The following EFNB2 variants were observed in gnomAD, a reference collection of about 807,000 sequenced individuals.
The protein encoded by EFNB2 is ephrin B2.
Under a neutral mutation model 32.1 loss-of-function variants are expected in EFNB2, and 5 were observed. The observed-to-expected ratio is 0.16, with a 90% CI of 0.08 to 0.33. EFNB2 has a LOEUF of 0.33. Ranked by LOEUF, EFNB2 falls within the 10% of genes least tolerant of loss-of-function variation. The pLI is 1.00. For missense variants in EFNB2, 263 were observed against 422.6 expected, an observed-to-expected ratio of 0.62 and a Z score of 3.31; for synonymous variants, 168 against 166.5, an observed-to-expected ratio of 1.01 and a Z score of -0.07.
At chr13:106,524,896 T>A (rs1028937193) in intron 1 of EFNB2, among the ~76,000 whole-genome samples, 3 of 152,184 alleles carry the variant, frequency 2.0e-5, no homozygotes, top group African/African-American at 7.2e-5. Flanking sequence ...CAGAAAGTCA[T>A]AAGGAATGAG....
intron 1 of EFNB2, among the ~76,000 whole-genome samples, chr13:106,513,506 T>G (rs909529096): frequency 6.6e-6 from 1 of 152,108 alleles, no homozygotes; most frequent in East Asian, 1.9e-4. Flanking sequence ...CTATAAATCT[T>G]TTTTTTTCTT....
intron 1 of EFNB2, chr13:106,519,813 A>AT (rs548463221): frequency 6.6e-6 from 1 of 152,150 alleles, no homozygotes; most frequent in Non-Finnish European, 1.5e-5. Context: ...TTAAAACATT[A>AT]TTTTTTTAAT....
At chr13:106,497,573 G>C (rs1566455109) in intron 2 of EFNB2, among the ~76,000 whole-genome samples, 1 of 151,870 alleles carries the variant, frequency 6.6e-6, no homozygotes, top group Non-Finnish European at 1.5e-5. Flanking sequence ...TAAGTTCTAG[G>C]GTACATGTGC....
In EFNB2 at chr13:106,505,976, T is replaced by A. The variant is rs374602775; in HGVS notation, c.406+6553A>T. 7 of 152,252 alleles carry A rather than the reference T, an allele frequency of 4.6e-5. No individual in the cohort carries two copies. The East Asian group carries it at 1.3e-3, about 29-fold the overall frequency. The allele number at this position is 152,252 out of a possible 1,614,324, so 9.4% of individuals were successfully genotyped here. A position where few individuals can be genotyped will look rare whatever the true frequency, so the allele number is the denominator to read the frequency against. ...GGGACAGACATCCCCAGGTCGTGAC[T>A]CCGCTATACCCGAGAGCCAGGAGTT... On this transcript the variant is annotated intron_variant, in intron 2 of 4. Transcript: ENST00000646441.
chr13:106,507,000 A>T (rs1249036830), intron 2 of EFNB2, among the ~76,000 whole-genome samples: 2 of 152,118 alleles, frequency 1.3e-5, no homozygotes, highest in Non-Finnish European at 2.9e-5. Context: ...ATCCCCCAAG[A>T]TCCCAAATGC....
Position 106,512,680 on chromosome 13 carries a change from T to C in EFNB2, c.255A>G (p.Gln85=). 1 of 1,613,966 alleles carries C rather than the reference T, an allele frequency of 6.2e-7. No individual in the cohort carries two copies. Among genetic ancestry groups the C allele is most frequent in the East Asian group, 2.2e-5 (1 of 44,826 alleles). ...CCTTCTTAATAGTGCATCTGTCTGC[T>C]TGGTCTTTATCAACCATATAAACTT... ...YYKVYMVDKD[Q]ADRCTIKKEN... is the part of the protein sequence containing the mutation. Residue 85 remains glutamine, a synonymous_variant, in exon 2 of 5, where the codon CAA becomes CAG. Coordinates refer to ENST00000646441, the MANE Select transcript of EFNB2 (RefSeq NM_004093.4).
chr13:106,534,887 T>C lies in EFNB2; in HGVS notation c.78A>G (p.Lys26=), dbSNP rs1230324191. The change falls in exon 1 of 5, where the codon AAA becomes AAG. Residue 26 remains lysine (K), a synonymous_variant. Coordinates refer to ENST00000646441, the MANE Select transcript of EFNB2 (RefSeq NM_004093.4). Reference sequence around the variant, plus strand: ...AATAGATAGGCTCTAAAACTATCGATTTGGAAATCGCAGTTCTGCATAAAA... The same window carrying C: ...AATAGATAGGCTCTAAAACTATCGACTTGGAAATCGCAGTTCTGCATAAAA... ...LMVLCRTAIS[K]SIVLEPIYWN... 3 of 1,613,568 alleles carry C rather than the reference T, an allele frequency of 1.9e-6. No individual in the cohort carries two copies. Among genetic ancestry groups the C allele is most frequent in the Admixed American group, 1.7e-5 (1 of 59,962 alleles).
At chr13:106,500,303 T>C (rs1011101338) in intron 2 of EFNB2, among the ~76,000 whole-genome samples, 1 of 152,148 alleles carries the variant, frequency 6.6e-6, no homozygotes, top group Non-Finnish European at 1.5e-5. Context: ...CAATCAAACT[T>C]CTGGATTTGC....
In EFNB2 at chr13:106,491,388, T is replaced by C. The variant is rs565770147; in HGVS notation, c.*1652A>G. The C allele has an allele frequency of 6.5e-6, 1 of 152,740 alleles. No individual in the cohort carries two copies. Among genetic ancestry groups the C allele is most frequent in the African/African-American group, 2.4e-5 (1 of 41,550 alleles). 9.5% of individuals were successfully genotyped at this position (152,740 alleles called of 1,614,324 possible). ...TTCCCAGAAGTAGCTGTCCAATTTG[T>C]TTTTTTAAGCGCTGAGCATTGGGAC... On this transcript the variant is annotated 3_prime_UTR_variant, in exon 5 of 5. Coordinates refer to ENST00000646441, the MANE Select transcript of EFNB2 (RefSeq NM_004093.4).
At chr13:106,521,239 G>C (rs1199045121) in intron 1 of EFNB2, 1 of 150,640 alleles carries the variant, frequency 6.6e-6, no homozygotes, top group Non-Finnish European at 1.5e-5. Context: ...GGGGGTGGGG[G>C]GTACAATTCA....
At chr13:106,520,874 G>C (rs747126002) in intron 1 of EFNB2, 1 of 152,122 alleles carries the variant, frequency 6.6e-6, no homozygotes, top group East Asian at 1.9e-4. Flanking sequence ...GGGGTGTAGC[G>C]ATAGGGTGTC....
At chr13:106,524,559 G>A (rs1022407918) in intron 1 of EFNB2, among the ~76,000 whole-genome samples, 12 of 152,208 alleles carry the variant, frequency 7.9e-5, no homozygotes, top group African/African-American at 2.9e-4. Context: ...CACATAGTGA[G>A]TGCTATACAC....
intron 1 of EFNB2, among the ~76,000 whole-genome samples, chr13:106,526,477 A>T (rs1879704001): frequency 1.3e-5 from 2 of 152,200 alleles, no homozygotes; most frequent in Admixed American, 1.3e-4. Context: ...GAAAAGACTT[A>T]AAGAGATCAC....
chr13:106,522,319 G>A (rs374756536), intron 1 of EFNB2, among the ~76,000 whole-genome samples: 23 of 152,288 alleles, frequency 1.5e-4, no homozygotes, highest in Admixed American at 7.8e-4. Context: ...GCACCTGTAC[G>A]GTCTTGTTCC....
chr13:106,505,650 G>C (rs1878925841), intron 2 of EFNB2, among the ~76,000 whole-genome samples: 1 of 152,126 alleles, frequency 6.6e-6, no homozygotes, highest in African/African-American at 2.4e-5. Context: ...GTTTTATTTT[G>C]CTTTAAAGTT....
At chr13:106,506,094 C>T (rs555453832) in intron 2 of EFNB2, 1 of 152,278 alleles carries the variant, frequency 6.6e-6, no homozygotes, top group East Asian at 1.9e-4. Context: ...AATCAGGAGT[C>T]TCACTGACAC....
chr13:106,506,098 C>T (rs1878943175), intron 2 of EFNB2: 1 of 152,202 alleles, frequency 6.6e-6, no homozygotes, highest in Non-Finnish European at 1.5e-5. Flanking sequence ...AGGAGTCTCA[C>T]TGACACACAC....
chr13:106,534,766 G>A, intron 1 of EFNB2, 77 bp downstream of exon 1: 1 of 1,502,078 alleles, frequency 6.7e-7, no homozygotes, highest in Non-Finnish European at 8.9e-7. Context: ...AGGCCCCGCG[G>A]ACTGACCCCT....
chr13:106,511,363 T>C (rs1197918188), intron 2 of EFNB2, among the ~76,000 whole-genome samples: 2 of 152,164 alleles, frequency 1.3e-5, no homozygotes, highest in African/African-American at 2.4e-5. Context: ...ATGCCTGTAG[T>C]CCGAGCTACT....
Sources: allele counts gnomAD v4.1 joint callset (sites outside exome capture counted in the v4.1 genomes callset), GRCh38; gene constraint gnomAD v4.1.1; transcripts MANE v1.5; gene names NCBI Gene and HGNC (gene_info 2026-07-23, HGNC 2026-07-21).